GRM3: variants seen among roughly 807,000 people sequenced by gnomAD.
GRM3 encodes the protein metabotropic glutamate receptor 3.
Under a neutral mutation model 70.5 loss-of-function variants are expected in GRM3, and 26 were observed. The ratio of observed to expected loss-of-function variants is 0.37; its 90% CI spans 0.27 to 0.51. The LOEUF (loss-of-function observed/expected upper bound fraction) is 0.51, where lower values mean the gene tolerates loss of function less well. Among genes scored for constraint, GRM3 ranks in the 20% least tolerant of loss-of-function variants. GRM3 has a pLI of 0.93. For synonymous variants in GRM3, 443 were observed against 434.9 expected (o/e 1.02, Z -0.23); for missense variants, 859 against 1,123.8 (o/e 0.76, Z 3.37).
intron 5 of GRM3, among the ~76,000 whole-genome samples, chr7:86,857,455 G>A (rs1798872256): frequency 6.6e-6 from 1 of 152,188 alleles, no homozygotes; most frequent in South Asian, 2.1e-4. Context: ...TTTTGGCTGT[G>A]TGGGCAAAAT....
intron 3 of GRM3, among the ~76,000 whole-genome samples, chr7:86,824,186 A>AT (rs1435059051): frequency 2.6e-5 from 4 of 152,194 alleles, no homozygotes; most frequent in Non-Finnish European, 4.4e-5. Flanking sequence ...AGAATGTTAG[A>AT]TTCACCAGTC....
intron 1 of GRM3, among the ~76,000 whole-genome samples, chr7:86,748,497 C>T (rs1206435111): frequency 6.7e-6 from 1 of 148,812 alleles, no homozygotes. Flanking sequence ...CTTTTAAATA[C>T]ATTTTAGGCA....
At position 86,765,229 on chromosome 7, in the gene GRM3, T is replaced by C. The variant is rs143544932; in HGVS notation, c.84T>C (p.Phe28=). The C allele has an allele frequency of 5.9e-5, 95 of 1,613,468 alleles. No individual in the cohort carries two copies. The African/African-American group carries it at 1.1e-3, about 20-fold the overall frequency. Residue 28 remains phenylalanine, a synonymous_variant, in exon 2 of 6, where the codon TTT becomes TTC. Transcript: ENST00000361669. ...GFLLSLGDHN[F]LRREIKIEGD... is the part of the protein sequence containing the mutation. ...TACTCTCTTTAGGGGACCATAACTT[T>C]CTAAGGAGAGAGATTAAAATAGAAG...
At chr7:86,738,468 A>T (rs1795913898) in intron 1 of GRM3, among the ~76,000 whole-genome samples, 1 of 152,206 alleles carries the variant, frequency 6.6e-6, no homozygotes, top group South Asian at 2.1e-4. Flanking sequence ...AGTCAAATAT[A>T]AAGCCATATT....
At chr7:86,683,984 C>A (rs867039972) in intron 1 of GRM3, among the ~76,000 whole-genome samples, 2 of 152,090 alleles carry the variant, frequency 1.3e-5, no homozygotes, top group African/African-American at 4.8e-5. Flanking sequence ...CTTTGAAGCT[C>A]TAAATATTAT....
chr7:86,667,811 A>G (rs911982686), intron 1 of GRM3, among the ~76,000 whole-genome samples: 1 of 152,160 alleles, frequency 6.6e-6, no homozygotes, highest in African/African-American at 2.4e-5. Flanking sequence ...AAAGGCACAA[A>G]ATCCTGTAAT....
chr7:86,653,413 C>G lies in GRM3; in HGVS notation c.-141+8541C>G, dbSNP rs975211583. On this transcript the variant is annotated intron_variant, in intron 1 of 5. Coordinates refer to ENST00000361669, the MANE Select transcript of GRM3 (RefSeq NM_000840.3). ...TGAATTTCTTTTACCAAATTACTTT[C>G]CACAGCAAGTTCATTCTAATTGGAT... 3.9e-5 allele frequency among the ~76,000 whole-genome samples: 6 copies of G among 152,180 alleles called. No homozygotes were observed. In the South Asian group the frequency reaches 1.2e-3, roughly 32 times the overall value.
intron 1 of GRM3, among the ~76,000 whole-genome samples, chr7:86,659,260 C>T (rs1793830136): frequency 6.6e-6 from 1 of 152,162 alleles, no homozygotes; most frequent in African/African-American, 2.4e-5. Context: ...ACATCCTCTA[C>T]ACCATTTTTA....
chr7:86,708,244 G>A (rs1695103061), intron 1 of GRM3, among the ~76,000 whole-genome samples: 1 of 152,084 alleles, frequency 6.6e-6, no homozygotes, highest in African/African-American at 2.4e-5. Flanking sequence ...AGATCTATGG[G>A]AACAAGGCCT....
At chr7:86,817,530 T>A (rs1247874452) in intron 3 of GRM3, among the ~76,000 whole-genome samples, 1 of 152,002 alleles carries the variant, frequency 6.6e-6, no homozygotes, top group Non-Finnish European at 1.5e-5. Context: ...TGCTATTCAA[T>A]GAGCTGTTTA....
At chr7:86,749,971 T>A (rs1796191654) in intron 1 of GRM3, among the ~76,000 whole-genome samples, 1 of 152,120 alleles carries the variant, frequency 6.6e-6, no homozygotes, top group South Asian at 2.1e-4. Context: ...TAAGCTAGTT[T>A]TACTCATCTA....
At chr7:86,657,415 T>A (rs914589993) in intron 1 of GRM3, among the ~76,000 whole-genome samples, 3 of 152,196 alleles carry the variant, frequency 2.0e-5, no homozygotes, top group Non-Finnish European at 4.4e-5. Flanking sequence ...ACTTCTGTCC[T>A]GGGCTCTAAA....
intron 3 of GRM3, among the ~76,000 whole-genome samples, chr7:86,838,087 C>T (rs1453379496): frequency 6.6e-6 from 1 of 151,952 alleles, no homozygotes; most frequent in Non-Finnish European, 1.5e-5. Context: ...TGAGGGTGGC[C>T]CACTTGGCTG....
intron 1 of GRM3, among the ~76,000 whole-genome samples, chr7:86,701,757 C>T (rs1034230817): frequency 2.6e-5 from 4 of 151,820 alleles, no homozygotes; most frequent in Non-Finnish European, 5.9e-5. Context: ...CTAAGAGTGG[C>T]TTTTTTGAGG....
chr7:86,786,050 A>G lies in GRM3; in HGVS notation c.469-211A>G. On this transcript the variant is annotated intron_variant, in intron 2 of 5. Coordinates refer to ENST00000361669, the MANE Select transcript of GRM3 (RefSeq NM_000840.3). This position sits in a 1 kb window ranked among gnomAD's most constrained non-coding sequence, Gnocchi z 6.0. The stretch of plus-strand genomic sequence containing the variant: ...TCTACTCTGCCCTTTCCTGAAGCAC[A>G]CACTACCTGTGTGAGACCTGCTTCC... 1.7e-6 allele frequency: 1 copy of G among 590,678 alleles called. No individual in the cohort carries two copies. The highest frequency in any genetic ancestry group is 3.1e-6 in the Non-Finnish European group (1 of 326,176). The allele number at this position is 590,678 out of a possible 1,614,324, so 36.6% of individuals were successfully genotyped here. A position where few individuals can be genotyped will look rare whatever the true frequency, so the allele number is the denominator to read the frequency against.
chr7:86,805,297 T>G (rs546067360), intron 3 of GRM3, among the ~76,000 whole-genome samples: 79 of 152,274 alleles, frequency 5.2e-4, no homozygotes, highest in Non-Finnish European at 9.1e-4. Context: ...TTTAGAGCAG[T>G]TTTGGTTTCA....
At chr7:86,784,322 C>A (rs1797166149) in intron 2 of GRM3, 1 of 151,918 alleles carries the variant, frequency 6.6e-6, no homozygotes, top group Non-Finnish European at 1.5e-5. Context: ...AAAATAATGT[C>A]CAGATATTTT....
At chr7:86,851,437 G>T (rs1400445404) in intron 5 of GRM3, among the ~76,000 whole-genome samples, 2 of 152,124 alleles carry the variant, frequency 1.3e-5, no homozygotes, top group East Asian at 1.9e-4. Flanking sequence ...CAGCTAAATT[G>T]TGGTATGAAG....
intron 5 of GRM3, among the ~76,000 whole-genome samples, chr7:86,850,917 A>T (rs1031700676): frequency 1.3e-5 from 2 of 152,142 alleles, no homozygotes; most frequent in African/African-American, 4.8e-5. Context: ...TTTACTAATT[A>T]AAATAGGGGA....
Sources: gnomAD v4.1 joint callset for allele counts (sites outside exome capture counted in the v4.1 genomes callset) on GRCh38, gnomAD v4.1.1 for gene constraint, Gnocchi (gnomAD v3.1) non-coding constraint, MANE v1.5 for transcripts, NCBI Gene and HGNC (gene_info 2026-07-23, HGNC 2026-07-21) for gene names.